The following SGCZ variants were observed in gnomAD, a reference collection of about 807,000 sequenced individuals.
The protein encoded by SGCZ is zeta-sarcoglycan.
A neutral mutation model predicts 41.3 loss-of-function variants in SGCZ; 40 were observed. The ratio of observed to expected loss-of-function variants is 0.97; its 90% CI spans 0.75 to 1.26. The LOEUF is 1.26. Among genes scored for constraint, SGCZ ranks in the 50% most tolerant of loss-of-function variants. SGCZ has a pLI of 0.00. For missense variants in SGCZ, 552 were observed against 369.8 expected (o/e 1.49, Z -4.04); for synonymous variants, 206 against 137.5 (o/e 1.50, Z -3.49).
chr8:15,099,973 CA>C (rs1806540111), intron 1 of SGCZ, among the ~76,000 whole-genome samples: 1 of 151,480 alleles, frequency 6.6e-6, no homozygotes, highest in African/African-American at 2.4e-5. Flanking sequence ...AAAAAGTCTA[CA>C]AAAATACCTA....
chr8:14,190,602 TTTC>T (rs1280740940), intron 4 of SGCZ, among the ~76,000 whole-genome samples: 2 of 151,984 alleles, frequency 1.3e-5, no homozygotes, highest in African/African-American at 4.8e-5. Context: ...CTTCTCTTAA[TTTC>T]TTTTTTTGTT....
At chr8:14,724,948 G>GT in intron 1 of SGCZ, among the ~76,000 whole-genome samples, 1 of 151,722 alleles carries the variant, frequency 6.6e-6, no homozygotes, top group Non-Finnish European at 1.5e-5. Flanking sequence ...CTTATTCCTT[G>GT]TAACTGTACT....
chr8:14,598,692 A>AT (rs970478344), intron 1 of SGCZ, among the ~76,000 whole-genome samples: 97 of 151,046 alleles, frequency 6.4e-4, no homozygotes, highest in African/African-American at 2.1e-3. Context: ...CACCCGGCTA[A>AT]TTTTTTTTTG....
chr8:14,254,943 A>G (rs757656080), intron 3 of SGCZ, among the ~76,000 whole-genome samples: 3 of 152,064 alleles, frequency 2.0e-5, no homozygotes, highest in Non-Finnish European at 4.4e-5. Flanking sequence ...CTGATCCACA[A>G]AGTGAAGTTC....
chr8:14,937,218 C>T (rs1800111126), intron 1 of SGCZ, among the ~76,000 whole-genome samples: 1 of 151,650 alleles, frequency 6.6e-6, no homozygotes, highest in African/African-American at 2.4e-5. Context: ...AAAATATAGA[C>T]ATTATAGGAA....
intron 1 of SGCZ, among the ~76,000 whole-genome samples, chr8:15,182,922 T>C (rs1800220237): frequency 6.6e-6 from 1 of 152,180 alleles, no homozygotes; most frequent in Non-Finnish European, 1.5e-5. Flanking sequence ...CTTTTAAAAT[T>C]TTCAATATTA....
chr8:14,638,625 G>A (rs1185600436), intron 1 of SGCZ, among the ~76,000 whole-genome samples: 1 of 151,760 alleles, frequency 6.6e-6, no homozygotes, highest in Non-Finnish European at 1.5e-5. Context: ...TTCCTAGAAT[G>A]AGAATCTCCT....
intron 1 of SGCZ, among the ~76,000 whole-genome samples, chr8:15,229,512 T>C (rs1801881027): frequency 6.6e-6 from 1 of 152,214 alleles, no homozygotes; most frequent in Non-Finnish European, 1.5e-5. Flanking sequence ...TAAAATTAAA[T>C]GTAAATCAGT....
chr8:14,429,283 G>C (rs1468719931), intron 2 of SGCZ, among the ~76,000 whole-genome samples: 3 of 152,230 alleles, frequency 2.0e-5, no homozygotes, highest in Non-Finnish European at 4.4e-5. Context: ...GCTGGGGTTT[G>C]AGGAGGGTTG....
chr8:14,099,734 A>G (rs1801953859), intron 7 of SGCZ, among the ~76,000 whole-genome samples: 1 of 152,130 alleles, frequency 6.6e-6, no homozygotes, highest in Non-Finnish European at 1.5e-5. Flanking sequence ...TCAAAAAAAA[A>G]TGCTTTATTA....
intron 1 of SGCZ, among the ~76,000 whole-genome samples, chr8:14,912,056 C>T (rs2130778266): frequency 6.9e-6 from 1 of 145,940 alleles, no homozygotes; most frequent in Non-Finnish European, 1.5e-5. Context: ...AAGCTATTTG[C>T]ATCTATTTTA....
intron 1 of SGCZ, among the ~76,000 whole-genome samples, chr8:14,839,705 A>T (rs900237570): frequency 7.9e-5 from 12 of 152,092 alleles, no homozygotes; most frequent in African/African-American, 2.9e-4. Context: ...GAGATCGTCC[A>T]ATCACATTTT....
intron 2 of SGCZ, among the ~76,000 whole-genome samples, chr8:14,393,569 C>G (rs570723469): frequency 6.6e-6 from 1 of 152,308 alleles, no homozygotes; most frequent in African/African-American, 2.4e-5. Context: ...CCTCCTCAAA[C>G]TAGCATAGAA....
At chr8:14,565,185 G>A (rs949929554) in intron 1 of SGCZ, among the ~76,000 whole-genome samples, 5 of 152,112 alleles carry the variant, frequency 3.3e-5, no homozygotes, top group African/African-American at 1.2e-4. Flanking sequence ...TATTTAAAAT[G>A]TGGACATTTA....
intron 1 of SGCZ, among the ~76,000 whole-genome samples, chr8:15,210,658 A>C (rs1349836641): frequency 6.6e-6 from 1 of 152,130 alleles, no homozygotes; most frequent in East Asian, 1.9e-4. Flanking sequence ...GCAAAGTATG[A>C]GCAATCCAAT....
In SGCZ at chr8:14,108,238, G is replaced by A. The variant is rs1482208314; in HGVS notation, c.548-3C>T. 1.2e-5 allele frequency: 20 copies of A among 1,613,818 alleles called. No individual in the cohort carries two copies. The highest frequency in any genetic ancestry group is 2.2e-5 in the East Asian group (1 of 44,880). On this transcript the variant is annotated splice_polypyrimidine_tract_variant and splice_region_variant and intron_variant, in intron 5 of 7. Transcript: ENST00000382080. ...CCCAAATACGGCTCCTTCAGTGCCTGGGGGTAGCATGAATATAGCAGTCAG... is the reference window on the plus strand; with the variant it reads ...CCCAAATACGGCTCCTTCAGTGCCTAGGGGTAGCATGAATATAGCAGTCAG...
chr8:14,163,053 G>T (rs779216938), intron 5 of SGCZ, among the ~76,000 whole-genome samples: 7 of 151,912 alleles, frequency 4.6e-5, no homozygotes, highest in Non-Finnish European at 8.8e-5. Flanking sequence ...AAAAATTTTG[G>T]TAGACACAAG....
At chr8:14,676,232 GAGGCCAATGCAGAAGGATCTCTTA>G (rs1340491834) in intron 1 of SGCZ, among the ~76,000 whole-genome samples, 2 of 152,118 alleles carry the variant, frequency 1.3e-5, no homozygotes, top group African/African-American at 4.8e-5. Flanking sequence ...AGAACTTTTG[GAGGCCAATGCAGAAGGATCTCTTA>G]AGGCCAATGC....
At chr8:14,403,108 A>T (rs1162775562) in intron 2 of SGCZ, among the ~76,000 whole-genome samples, 2 of 149,994 alleles carry the variant, frequency 1.3e-5, no homozygotes, top group African/African-American at 2.5e-5. Context: ...GTTGGTGTAT[A>T]AGAATGCTTG....
Sources: gnomAD v4.1 joint callset for allele counts (sites outside exome capture counted in the v4.1 genomes callset) on GRCh38, gnomAD v4.1.1 for gene constraint, MANE v1.5 for transcripts, NCBI Gene and HGNC (gene_info 2026-07-23, HGNC 2026-07-21) for gene names.